PRR23A: variants seen among roughly 807,000 people sequenced by gnomAD.
PRR23A encodes proline-rich protein 23A.
For missense variants in PRR23A, 342 were observed against 372.7 expected, an observed-to-expected ratio of 0.92 and a Z score of 0.68; for synonymous variants, 161 against 170.6, an observed-to-expected ratio of 0.94 and a Z score of 0.44.
chr3:139,005,247 TTTC>T lies in PRR23A; in HGVS notation c.*218_*220del, dbSNP rs1399686357. On this transcript the variant is annotated 3_prime_UTR_variant, in exon 1 of 1. Transcript: ENST00000383163. The stretch of plus-strand genomic sequence containing the variant: ...GTAAAGGTGCTTACCAGAATCTGCT[TTTC>T]TTTTTTCATGTCCTTGCCTGCCACT... 6.6e-6 allele frequency among the ~76,000 whole-genome samples: 1 copy of T among 152,114 alleles called. No homozygotes were observed. The highest frequency in any genetic ancestry group is 2.4e-5 in the African/African-American group (1 of 41,432).
At position 139,005,885 on chromosome 3, in the gene PRR23A, C is replaced by G; in HGVS notation, c.384G>C (p.Leu128=). The G allele has an allele frequency of 6.2e-7, 1 of 1,613,502 alleles. No homozygotes were observed. The highest frequency in any genetic ancestry group is 8.5e-7 in the Non-Finnish European group (1 of 1,179,736). The change falls in exon 1 of 1, where the codon CTG becomes CTC. Residue 128 remains leucine (L), a synonymous_variant. Coordinates refer to ENST00000383163, the MANE Select transcript of PRR23A (RefSeq NM_001134659.1). The part of the protein sequence containing the change: ...SSAGLEVDVF[L]GALREDVVVE... ...CGACGACGTCCTCCCTGAGAGCGCC[C>G]AGGAAAACGTCCACTTCCAGCCCAG... is the stretch of plus-strand genomic sequence containing the variant.
In PRR23A at chr3:139,005,522, C is replaced by T; in HGVS notation, c.747G>A (p.Pro249=). The change falls in exon 1 of 1, where the codon CCG becomes CCA. Residue 249 remains proline (P), a synonymous_variant. Coordinates refer to ENST00000383163, the MANE Select transcript of PRR23A (RefSeq NM_001134659.1). ...RVGSPGPHAH[P]PLPKRPPCKA... ...TGCACGGAGGGCGTTTCGGGAGCGG[C>T]GGGTGCGCGTGGGGACCTGGACTCC... 6.7e-7 allele frequency: 1 copy of T among 1,501,808 alleles called. No homozygotes were observed. The highest frequency in any genetic ancestry group is 2.5e-5 in the East Asian group (1 of 40,756). The allele number at this position is 1,501,808 out of a possible 1,614,324, so 93.0% of individuals were successfully genotyped here.
chr3:139,005,638 A>G lies in PRR23A; in HGVS notation c.631T>C (p.Ser211Pro), dbSNP rs759151400. The G allele has an allele frequency of 9.9e-6, 16 of 1,613,240 alleles. No homozygotes were observed. Among genetic ancestry groups the G allele is most frequent in the Non-Finnish European group, 1.4e-5 (16 of 1,179,766 alleles). The change falls in exon 1 of 1, where the codon TCT becomes CCT. Residue 211 changes from serine (S) to proline (P), a missense_variant. Coordinates refer to ENST00000383163, the MANE Select transcript of PRR23A (RefSeq NM_001134659.1). ...LAPNPSSEGH[S>P]PGPFFDPEFR... ...TCCGGGTCGAAGAAGGGGCCTGGAG[A>G]GTGTCCCTCTGAACTGGGGTTGGGG...
rs2107764289 is a variant in PRR23A at position 139,005,431 on chromosome 3, A to G, written c.*37T>C. 6.8e-7 allele frequency: 1 copy of G among 1,460,942 alleles called. No homozygotes were observed. Among genetic ancestry groups the G allele is most frequent in the East Asian group, 2.5e-5 (1 of 40,376 alleles). The allele number at this position is 1,460,942 out of a possible 1,614,324, so 90.5% of individuals were successfully genotyped here. A position where few individuals can be genotyped will look rare whatever the true frequency, so the allele number is the denominator to read the frequency against. On this transcript the variant is annotated 3_prime_UTR_variant, in exon 1 of 1. Coordinates refer to ENST00000383163, the MANE Select transcript of PRR23A (RefSeq NM_001134659.1). ...CAGTGAGTCTTGGAGGATCCACAAGAACCCGCAGCCGGTGGCAAGGGATTG... is the reference window on the plus strand; with the variant it reads ...CAGTGAGTCTTGGAGGATCCACAAGGACCCGCAGCCGGTGGCAAGGGATTG...
At position 139,004,440 on chromosome 3, in the gene PRR23A, T is replaced by C. The variant is rs1414738645; in HGVS notation, c.*1028A>G. Among the ~76,000 whole-genome samples the C allele has an allele frequency of 6.6e-6, 1 of 152,176 alleles. No individual in the cohort carries two copies. The highest frequency in any genetic ancestry group is 1.5e-5 in the Non-Finnish European group (1 of 68,024). Reference sequence around the variant, plus strand: ...TGTCACAACTTCCTACTTTCCCTCATTAAATATTGCTTTCACTAATTTTTA... The same window carrying C: ...TGTCACAACTTCCTACTTTCCCTCACTAAATATTGCTTTCACTAATTTTTA... On this transcript the variant is annotated 3_prime_UTR_variant, in exon 1 of 1. Coordinates refer to ENST00000383163, the MANE Select transcript of PRR23A (RefSeq NM_001134659.1).
rs1451438895 is a variant in PRR23A, at chr3:139,005,822, G to C, written c.447C>G (p.Ile149Met). The C allele has an allele frequency of 3.7e-6, 6 of 1,613,848 alleles. No homozygotes were observed. The highest frequency in any genetic ancestry group is 3.4e-6 in the Non-Finnish European group (4 of 1,179,948). ...QEVFCASVPE[I>M]AAQEEAYEED... ...CCTCGTAGGCCTCTTCCTGGGCGGC[G>C]ATCTCTGGGACAGATGCGCAGAAGA... The change falls in exon 1 of 1, where the codon ATC becomes ATG. Residue 149 changes from isoleucine to methionine, a missense_variant. Ile to Met is a conservative substitution (Grantham distance 10, BLOSUM62 1). Coordinates refer to ENST00000383163, the MANE Select transcript of PRR23A (RefSeq NM_001134659.1).
rs892056715 is a variant in PRR23A, at chr3:139,005,430, G to A, written c.*38C>T. ...ACAGTGAGTCTTGGAGGATCCACAA[G>A]AACCCGCAGCCGGTGGCAAGGGATT... On this transcript the variant is annotated 3_prime_UTR_variant, in exon 1 of 1. Transcript: ENST00000383163. The A allele has an allele frequency of 2.1e-6, 3 of 1,458,214 alleles. No individual in the cohort carries two copies. The highest frequency in any genetic ancestry group is 2.7e-6 in the Non-Finnish European group (3 of 1,102,082). The allele number at this position is 1,458,214 out of a possible 1,614,324, so 90.3% of individuals were successfully genotyped here. A position where few individuals can be genotyped will look rare whatever the true frequency, so the allele number is the denominator to read the frequency against.
At position 139,005,433 on chromosome 3, in the gene PRR23A, C is replaced by A. The variant is rs1249410243; in HGVS notation, c.*35G>T. The stretch of plus-strand genomic sequence containing the variant: ...GTGAGTCTTGGAGGATCCACAAGAA[C>A]CCGCAGCCGGTGGCAAGGGATTGTG... On this transcript the variant is annotated 3_prime_UTR_variant, in exon 1 of 1. Coordinates refer to ENST00000383163, the MANE Select transcript of PRR23A (RefSeq NM_001134659.1). 6 of 1,463,616 alleles carry A rather than the reference C, an allele frequency of 4.1e-6. No homozygotes were observed. Among genetic ancestry groups the A allele is most frequent in the Non-Finnish European group, 4.5e-6 (5 of 1,106,770 alleles). 90.7% of individuals were successfully genotyped at this position (1,463,616 alleles called of 1,614,324 possible).
At position 139,005,628 on chromosome 3, in the gene PRR23A, G is replaced by A. The variant is rs773362938; in HGVS notation, c.641C>T (p.Pro214Leu). 8.1e-6 allele frequency: 13 copies of A among 1,613,328 alleles called. No homozygotes were observed. The highest frequency in any genetic ancestry group is 1.0e-5 in the Non-Finnish European group (12 of 1,179,752). Residue 214 changes from proline to leucine, a missense_variant, in exon 1 of 1, where the codon CCC (proline) becomes CTC (leucine). Physicochemically the swap from Pro to Leu is moderately conservative, Grantham distance 98. Coordinates refer to ENST00000383163, the MANE Select transcript of PRR23A (RefSeq NM_001134659.1). ...NPSSEGHSPG[P>L]FFDPEFRLLE... is the part of the protein sequence containing the mutation. ...AAGGCGGAATTCCGGGTCGAAGAAG[G>A]GGCCTGGAGAGTGTCCCTCTGAACT...
At position 139,006,139 on chromosome 3, in the gene PRR23A, T is replaced by A; in HGVS notation, c.130A>T (p.Ser44Cys). Reference sequence around the variant, plus strand: ...GGGGTACCCGCCGGGTCTTCCAGGCTGGGCGCCACGCGGGGTTCGGGGCCC... The same window carrying A: ...GGGGTACCCGCCGGGTCTTCCAGGCAGGGCGCCACGCGGGGTTCGGGGCCC... ...PAGPEPRVAP[S>C]LEDPAGTPAV... The change falls in exon 1 of 1, where the codon AGC becomes TGC. Residue 44 changes from serine (S) to cysteine (C), a missense_variant. Ser to Cys is a moderately radical substitution (Grantham distance 112). Coordinates refer to ENST00000383163, the MANE Select transcript of PRR23A (RefSeq NM_001134659.1). 2.6e-6 allele frequency: 4 copies of A among 1,544,270 alleles called. No individual in the cohort carries two copies. Among genetic ancestry groups the A allele is most frequent in the East Asian group, 2.4e-5 (1 of 41,034 alleles).
rs780420071 is a variant in PRR23A, at chr3:139,005,973, A to C, written c.296T>G (p.Leu99Arg). 2 of 1,613,998 alleles carry C rather than the reference A, an allele frequency of 1.2e-6. No individual in the cohort carries two copies. The highest frequency in any genetic ancestry group is 1.7e-6 in the Non-Finnish European group (2 of 1,179,980). Residue 99 changes from leucine to arginine, a missense_variant, in exon 1 of 1, where the codon CTG becomes CGG. Transcript: ENST00000383163. ...AGAGCTCAGGAGGACCTCTGGGATCAGGATGAGGGTGTGTCCATCGAGAGA... is the reference window on the plus strand; with the variant it reads ...AGAGCTCAGGAGGACCTCTGGGATCCGGATGAGGGTGTGTCCATCGAGAGA... ...RVSLDGHTLI[L>R]IPEVLLSSVD...
In PRR23A at chr3:139,004,858, A is replaced by C. The variant is rs571686197; in HGVS notation, c.*610T>G. 6.6e-6 allele frequency among the ~76,000 whole-genome samples: 1 copy of C among 152,316 alleles called. No homozygotes were observed. Among genetic ancestry groups the C allele is most frequent in the East Asian group, 1.9e-4 (1 of 5,184 alleles). ...TTTGAATGTTGTTTGTTTACTATCT[A>C]ATCTAATATGCATTTATCTTGATTG... is the stretch of plus-strand genomic sequence containing the variant. On this transcript the variant is annotated 3_prime_UTR_variant, in exon 1 of 1. Coordinates refer to ENST00000383163, the MANE Select transcript of PRR23A (RefSeq NM_001134659.1).
At position 139,006,120 on chromosome 3, in the gene PRR23A, C is replaced by T. The variant is rs1423368930; in HGVS notation, c.149G>A (p.Gly50Asp). 6.5e-7 allele frequency: 1 copy of T among 1,545,638 alleles called. No individual in the cohort carries two copies. The highest frequency in any genetic ancestry group is 1.4e-5 in the African/African-American group (1 of 72,948). ...RVAPSLEDPA[G>D]TPAVGALTSI... ...GGTGAGCGCGCCCACGGCCGGGGTA[C>T]CCGCCGGGTCTTCCAGGCTGGGCGC... Residue 50 changes from glycine (G) to aspartate (D), a missense_variant, in exon 1 of 1, where the codon GGT becomes GAT. Coordinates refer to ENST00000383163, the MANE Select transcript of PRR23A (RefSeq NM_001134659.1).
At position 139,006,215 on chromosome 3, in the gene PRR23A, C is replaced by G. The variant is rs768279615; in HGVS notation, c.54G>C (p.Gln18His). Residue 18 changes from glutamine to histidine, a missense_variant, in exon 1 of 1, where the codon CAG (glutamine) becomes CAC (histidine). Gln to His is a conservative substitution (Grantham distance 24). Transcript: ENST00000383163. ...TGGCAGGGCCGGGTCCTCCTGGCTGCTGTCCCCACCAGGGCGCAGGGAAGG... is the reference window on the plus strand; with the variant it reads ...TGGCAGGGCCGGGTCCTCCTGGCTGGTGTCCCCACCAGGGCGCAGGGAAGG... ...PSAFPAPWWG[Q>H]QPGGPGPAKR... The G allele has an allele frequency of 1.1e-5, 17 of 1,546,744 alleles. No individual in the cohort carries two copies. Among genetic ancestry groups the G allele is most frequent in the Non-Finnish European group, 1.5e-5 (17 of 1,149,372 alleles).
rs750049941 is a variant in PRR23A at position 139,005,684 on chromosome 3, G to A, written c.585C>T (p.Ile195=). Residue 195 remains isoleucine (I), a synonymous_variant, in exon 1 of 1, where the codon ATC becomes ATT. Transcript: ENST00000383163. The part of the protein sequence containing the change: ...SMFSPYREGP[I]PEPCALAPNP... ...TGGGGGCCAGAGCACAGGGTTCTGG[G>A]ATGGGGCCCTCCCGGTAGGGGCTGA... 3 of 1,613,838 alleles carry A rather than the reference G, an allele frequency of 1.9e-6. No individual in the cohort carries two copies. Among genetic ancestry groups the A allele is most frequent in the Non-Finnish European group, 2.5e-6 (3 of 1,179,896 alleles).
rs1162423474 is a variant in PRR23A at position 139,006,015 on chromosome 3, G to A, written c.254C>T (p.Thr85Met). 6.2e-7 allele frequency: 1 copy of A among 1,612,260 alleles called. No individual in the cohort carries two copies. The highest frequency in any genetic ancestry group is 1.1e-5 in the South Asian group (1 of 90,634). ...ATCGAGAGACACTCGCAGGATCGAC[G>A]TTGGCGGGAGCTCCAGCACCAGGTC... is the stretch of plus-strand genomic sequence containing the variant. ...DVDLVLELPP[T>M]SILRVSLDGH... The change falls in exon 1 of 1, where the codon ACG (threonine) becomes ATG (methionine). Residue 85 changes from threonine (T) to methionine (M), a missense_variant. Transcript: ENST00000383163.
In PRR23A at chr3:139,005,936, G is replaced by T. The variant is rs781737657; in HGVS notation, c.333C>A (p.Arg111=). The T allele has an allele frequency of 5.6e-6, 9 of 1,613,822 alleles. No individual in the cohort carries two copies. The East Asian group carries it at 1.8e-4, about 32-fold the overall frequency. Residue 111 remains arginine (R), a synonymous_variant, in exon 1 of 1, where the codon CGC becomes CGA. Coordinates refer to ENST00000383163, the MANE Select transcript of PRR23A (RefSeq NM_001134659.1). ...CAGACGAGTCGTCCTGCGCTCCTGA[G>T]CGTTCGTCGACAGAGCTCAGGAGGA... ...PEVLLSSVDE[R]SGAQDDSSAG...
At position 139,004,984 on chromosome 3, in the gene PRR23A, C is replaced by G. The variant is rs1553877; in HGVS notation, c.*484G>C. On this transcript the variant is annotated 3_prime_UTR_variant, in exon 1 of 1. Transcript: ENST00000383163. ...TGGGAGAAATCGTATAGGTAAATTCCTAACTGCAAAAAGAAGGAAAGACAA... is the reference window on the plus strand; with the variant it reads ...TGGGAGAAATCGTATAGGTAAATTCGTAACTGCAAAAAGAAGGAAAGACAA... 0.89 allele frequency among the ~76,000 whole-genome samples: 135,290 copies of G among 152,086 alleles called. 60,328 individuals are homozygous for G. The highest frequency in any genetic ancestry group is 0.97 in the East Asian group (5,012 of 5,162).
Position 139,005,427 on chromosome 3 carries a change from C to A in PRR23A, c.*41G>T. 1 of 1,458,224 alleles carries A rather than the reference C, an allele frequency of 6.9e-7. No individual in the cohort carries two copies. Among genetic ancestry groups the A allele is most frequent in the Admixed American group, 2.8e-5 (1 of 35,466 alleles). 90.3% of individuals were successfully genotyped at this position (1,458,224 alleles called of 1,614,324 possible). On this transcript the variant is annotated 3_prime_UTR_variant, in exon 1 of 1. Coordinates refer to ENST00000383163, the MANE Select transcript of PRR23A (RefSeq NM_001134659.1). Reference sequence around the variant, plus strand: ...CTCACAGTGAGTCTTGGAGGATCCACAAGAACCCGCAGCCGGTGGCAAGGG... The same window carrying A: ...CTCACAGTGAGTCTTGGAGGATCCAAAAGAACCCGCAGCCGGTGGCAAGGG...
Sources: gnomAD v4.1 joint callset for allele counts (sites outside exome capture counted in the v4.1 genomes callset) on GRCh38, gnomAD v4.1.1 for gene constraint, MANE v1.5 for transcripts, NCBI Gene and HGNC (gene_info 2026-07-23, HGNC 2026-07-21) for gene names.